The following MAP4K2 variants were observed in gnomAD, a reference collection of about 807,000 sequenced individuals.
MAP4K2 encodes the protein B lymphocyte serine/threonine protein kinase.
MAP4K2 carries 85 observed loss-of-function variants against 125.3 expected under a neutral mutation model. The ratio of observed to expected loss-of-function variants is 0.68; its 90% CI spans 0.57 to 0.81. MAP4K2 has a LOEUF of 0.81. MAP4K2 is among the 40% of genes least tolerant of loss of function. The probability of loss-of-function intolerance (pLI) is 0.00; values close to 1 mark genes in which losing one functional copy is unlikely to be tolerated. For synonymous variants in MAP4K2, 479 were observed against 445.1 expected (o/e 1.08, Z -0.96); for missense variants, 923 against 1,056.4 (o/e 0.87, Z 1.75).
intron 12 of MAP4K2, 130 bp downstream of exon 12, chr11:64,799,979 T>C: frequency 1.3e-6 from 1 of 780,064 alleles, no homozygotes; most frequent in African/African-American, 1.7e-5. Context: ...AGACTCCTAA[T>C]GGGAGGGCTC....
At chr11:64,800,676 G>A (rs1941107914) in intron 10 of MAP4K2, 88 bp downstream of exon 10, 1 of 1,517,510 alleles carries the variant, frequency 6.6e-7, no homozygotes, top group African/African-American at 1.4e-5. Flanking sequence ...AGGGCTCTTG[G>A]GGTTGCCCCC....
rs201248836 is a variant in MAP4K2 at position 64,797,520 on chromosome 11, C to T, written c.1151G>A (p.Arg384Gln). 2,857 of 1,568,776 alleles carry T rather than the reference C, an allele frequency of 1.8e-3. 63 individuals are homozygous for T. In the South Asian group the frequency reaches 0.031, roughly 17 times the overall value. ...TGGCACCTGGAATTCTGAGGCTGAC[C>T]GAATAGTCAGACTCCTGTGGGAGGG... ...EALEERSLTI[R>Q]SASEFQELDS... Residue 384 changes from arginine (R) to glutamine (Q), a missense_variant, in exon 17 of 32, where the codon CGG (arginine) becomes CAG (glutamine). Physicochemically the swap from Arg to Gln is conservative, Grantham distance 43. This residue lies in a region of MAP4K2 where 833 missense variants were observed against 911.4 expected (regional missense o/e 0.91). Coordinates refer to ENST00000294066, the MANE Select transcript of MAP4K2 (RefSeq NM_004579.5).
At position 64,802,140 on chromosome 11, in the gene MAP4K2, G is replaced by A; in HGVS notation, c.311-19C>T. The A allele has an allele frequency of 1.2e-6, 2 of 1,611,198 alleles. No individual in the cohort carries two copies. Among genetic ancestry groups the A allele is most frequent in the South Asian group, 2.2e-5 (2 of 90,928 alleles). On this transcript the variant is annotated intron_variant, in intron 4 of 31. Transcript: ENST00000294066. ...CCAGTGGCTGAAAGGAAAAGGGAGAGGCTGGCTTGGGGGCCCGGGGGTCAT... is the reference window on the plus strand; with the variant it reads ...CCAGTGGCTGAAAGGAAAAGGGAGAAGCTGGCTTGGGGGCCCGGGGGTCAT...
rs1940320825 is a variant in MAP4K2 at position 64,789,044 on chromosome 11, G to A, written c.*493C>T. 1 of 167,050 alleles carries A rather than the reference G, an allele frequency of 6.0e-6. No individual in the cohort carries two copies. The highest frequency in any genetic ancestry group is 1.3e-5 in the Non-Finnish European group (1 of 76,708). The allele number at this position is 167,050 out of a possible 1,614,324, so 10.3% of individuals were successfully genotyped here. Reference sequence around the variant, plus strand: ...GCTTCTCCAAAACCCTGGGGGCCCTGCCCTTCTGTGGTGCCCACAGAAACG... The same window carrying A: ...GCTTCTCCAAAACCCTGGGGGCCCTACCCTTCTGTGGTGCCCACAGAAACG... On this transcript the variant is annotated 3_prime_UTR_variant, in exon 32 of 32. Transcript: ENST00000294066.
chr11:64,784,971 A>G lies in MAP4K2; in HGVS notation c.*4566T>C, dbSNP rs1940172215. The G allele has an allele frequency of 6.6e-6, 1 of 152,234 alleles. No individual in the cohort carries two copies. The allele number at this position is 152,234 out of a possible 1,614,324, so 9.4% of individuals were successfully genotyped here. On this transcript the variant is annotated 3_prime_UTR_variant, in exon 32 of 32. Coordinates refer to ENST00000294066, the MANE Select transcript of MAP4K2 (RefSeq NM_004579.5). The stretch of plus-strand genomic sequence containing the variant: ...TAGTTCACAACGGAACATGGTCCAA[A>G]TGTCCATCAACAGGTGAACAGCTAA...
chr11:64,803,157 C>G lies in MAP4K2; in HGVS notation c.-8G>C. The G allele has an allele frequency of 7.8e-7, 1 of 1,285,924 alleles. No individual in the cohort carries two copies. The highest frequency in any genetic ancestry group is 9.9e-7 in the Non-Finnish European group (1 of 1,014,358). The allele number at this position is 1,285,924 out of a possible 1,614,324, so 79.7% of individuals were successfully genotyped here. A position where few individuals can be genotyped will look rare whatever the true frequency, so the allele number is the denominator to read the frequency against. ...ATCCCGCAGCAGCGCCATGGCCCGG[C>G]GCCGGGCGGGCCGGCAGGCGGGCGG... On this transcript the variant is annotated 5_prime_UTR_variant, in exon 1 of 32. Coordinates refer to ENST00000294066, the MANE Select transcript of MAP4K2 (RefSeq NM_004579.5).
chr11:64,794,605 C>T (rs1040460187), intron 24 of MAP4K2, among the ~76,000 whole-genome samples: 8 of 152,156 alleles, frequency 5.3e-5, no homozygotes, highest in African/African-American at 1.4e-4. Context: ...TTGATCCACT[C>T]GCCAAAGCCT....
At position 64,800,299 on chromosome 11, in the gene MAP4K2, CCT is replaced by C. The variant is rs1345410426; in HGVS notation, c.807+10_807+11del. On this transcript the variant is annotated intron_variant, in intron 11 of 31. Transcript: ENST00000294066. ...GAGTACTGGGCCTCTCTCCCGGCCC[CCT>C]GCCTCCCACCTGCAGGAGCTTCTCT... 1.2e-6 allele frequency: 2 copies of C among 1,613,816 alleles called. No homozygotes were observed. Among genetic ancestry groups the C allele is most frequent in the African/African-American group, 1.3e-5 (1 of 74,946 alleles).
intron 19 of MAP4K2, 35 bp from the exon 20 acceptor site, chr11:64,797,058 C>T (rs1940851489): frequency 6.2e-7 from 1 of 1,613,974 alleles, no homozygotes; most frequent in African/African-American, 1.3e-5. Flanking sequence ...GCTGATATGA[C>T]AGCTGTAGCC....
intron 19 of MAP4K2, 24 bp downstream of exon 19, chr11:64,797,080 C>G (rs762755585): frequency 1.9e-6 from 3 of 1,614,148 alleles, no homozygotes; most frequent in South Asian, 2.2e-5. Context: ...CCCGTCTCCC[C>G]ACCCCACTGT....
In MAP4K2 at chr11:64,803,179, G is replaced by A. The variant is rs1419203936; in HGVS notation, c.-30C>T. On this transcript the variant is annotated 5_prime_UTR_variant, in exon 1 of 32. Transcript: ENST00000294066. Reference sequence around the variant, plus strand: ...CGGCGCCGGGCGGGCCGGCAGGCGGGCGGGCGCGAGCTGCGGAGCCGGCGC... The same window carrying A: ...CGGCGCCGGGCGGGCCGGCAGGCGGACGGGCGCGAGCTGCGGAGCCGGCGC... 1.3e-5 allele frequency: 14 copies of A among 1,061,246 alleles called. No individual in the cohort carries two copies. The highest frequency in any genetic ancestry group is 1.6e-5 in the Non-Finnish European group (14 of 868,582). The allele number at this position is 1,061,246 out of a possible 1,614,324, so 65.7% of individuals were successfully genotyped here. A position where few individuals can be genotyped will look rare whatever the true frequency, so the allele number is the denominator to read the frequency against.
At chr11:64,793,148 G>A (rs1347773658) in intron 24 of MAP4K2, among the ~76,000 whole-genome samples, 5 of 152,228 alleles carry the variant, frequency 3.3e-5, no homozygotes, top group African/African-American at 7.2e-5. Context: ...CCCAGGAGGC[G>A]GAGGTTGCAG....
chr11:64,800,701 G>C, intron 10 of MAP4K2, 63 bp downstream of exon 10: 1 of 1,549,824 alleles, frequency 6.5e-7, no homozygotes, highest in Non-Finnish European at 8.7e-7. Context: ...AGTTGGCAGA[G>C]GCTGTTTGTC....
intron 24 of MAP4K2, among the ~76,000 whole-genome samples, chr11:64,792,950 C>T (rs1251691927): frequency 1.3e-5 from 2 of 152,232 alleles, no homozygotes; most frequent in Non-Finnish European, 2.9e-5. Flanking sequence ...GGTGCAACGG[C>T]TCACGCCTGT....
rs1245825715 is a variant in MAP4K2 at position 64,796,775 on chromosome 11, C to T, written c.1492+34G>A. On this transcript the variant is annotated intron_variant, in intron 21 of 31. Transcript: ENST00000294066. ...GCCCCTGGCCCAAGCTGAGGGATTC[C>T]TTGGGCTCCCGCTTCCTCCCTGCCC... 5 of 1,613,594 alleles carry T rather than the reference C, an allele frequency of 3.1e-6. No homozygotes were observed. In the Admixed American group the frequency reaches 8.3e-5, roughly 27 times the overall value.
chr11:64,792,345 C>T lies in MAP4K2; in HGVS notation c.1810+19G>A, dbSNP rs779454748. Reference sequence around the variant, plus strand: ...CCCCCCACCAGGCCCCGCCCCACCCCGCCCAGCCCATTTCTTACCCACACG... The same window carrying T: ...CCCCCCACCAGGCCCCGCCCCACCCTGCCCAGCCCATTTCTTACCCACACG... On this transcript the variant is annotated intron_variant, in intron 25 of 31. Transcript: ENST00000294066. 1.9e-5 allele frequency: 30 copies of T among 1,567,750 alleles called. No individual in the cohort carries two copies. The highest frequency in any genetic ancestry group is 5.8e-5 in the South Asian group (5 of 85,720).
At chr11:64,790,156 A>C in intron 29 of MAP4K2, 32 bp downstream of exon 29, 1 of 1,610,468 alleles carries the variant, frequency 6.2e-7, no homozygotes, top group Non-Finnish European at 8.5e-7. Context: ...CAGGCCAGGG[A>C]AAGGCCTGCA....
At chr11:64,798,657 A>T in intron 15 of MAP4K2, 137 bp downstream of exon 15, 1 of 829,890 alleles carries the variant, frequency 1.2e-6, no homozygotes, top group South Asian at 1.5e-5. Context: ...CTGGTCTTGA[A>T]CTCCTGACCT....
rs1388135134 is a variant in MAP4K2, at chr11:64,788,085, G to A, written c.*1452C>T. Reference sequence around the variant, plus strand: ...AAGAAACCCTCCCAGTCACTGGACAGAGTCAGAACAGTTGAAACTCTGCTG... The same window carrying A: ...AAGAAACCCTCCCAGTCACTGGACAAAGTCAGAACAGTTGAAACTCTGCTG... On this transcript the variant is annotated 3_prime_UTR_variant, in exon 32 of 32. Transcript: ENST00000294066. 1 of 152,278 alleles carries A rather than the reference G, an allele frequency of 6.6e-6. No homozygotes were observed. The highest frequency in any genetic ancestry group is 6.5e-5 in the Admixed American group (1 of 15,286). The allele number at this position is 152,278 out of a possible 1,614,324, so 9.4% of individuals were successfully genotyped here. A position where few individuals can be genotyped will look rare whatever the true frequency, so the allele number is the denominator to read the frequency against.
Sources: allele counts gnomAD v4.1 joint callset (sites outside exome capture counted in the v4.1 genomes callset), GRCh38; gene constraint gnomAD v4.1.1; regional missense constraint gnomAD v4.1.1; transcripts MANE v1.5; gene names NCBI Gene and HGNC (gene_info 2026-07-23, HGNC 2026-07-21).